Variants in NELL1 observed in about 807,000 individuals in gnomAD.
The protein encoded by NELL1 is neural EGFL like 1, also known as protein kinase C-binding protein NELL1.
Under a neutral mutation model 107.4 loss-of-function variants are expected in NELL1, and 76 were observed. The ratio of observed to expected loss-of-function variants is 0.71; its 90% CI spans 0.59 to 0.86. The LOEUF (loss-of-function observed/expected upper bound fraction) is 0.86, where lower values mean the gene tolerates loss of function less well. Among genes scored for constraint, NELL1 ranks in the 40% least tolerant of loss-of-function variants. NELL1 has a pLI of 0.00. For synonymous variants in NELL1, 353 were observed against 341.2 expected (o/e 1.03, Z -0.38); for missense variants, 1,024 against 1,005.5 (o/e 1.02, Z -0.25).
intron 2 of NELL1, among the ~76,000 whole-genome samples, chr11:20,706,226 A>T (rs1383432145): frequency 6.6e-6 from 1 of 152,204 alleles, no homozygotes; most frequent in Non-Finnish European, 1.5e-5. Flanking sequence ...ACATATGTTT[A>T]TTGTGGCACT....
intron 13 of NELL1, among the ~76,000 whole-genome samples, chr11:21,154,245 A>G (rs995981977): frequency 6.6e-6 from 1 of 152,330 alleles, no homozygotes; most frequent in African/African-American, 2.4e-5. Context: ...GACCCCATTT[A>G]TAGATCTACT....
At chr11:20,684,144 A>C (rs965165206) in intron 2 of NELL1, among the ~76,000 whole-genome samples, 18 of 151,544 alleles carry the variant, frequency 1.2e-4, no homozygotes, top group African/African-American at 4.4e-4. Flanking sequence ...GGGGGCTCAC[A>C]CCTGTAATCC....
intron 2 of NELL1, among the ~76,000 whole-genome samples, chr11:20,753,988 C>G (rs2133948360): frequency 6.6e-6 from 1 of 152,292 alleles, no homozygotes; most frequent in Non-Finnish European, 1.5e-5. Context: ...TATACACATC[C>G]TTAAGCCAAA....
chr11:21,427,261 G>A (rs1852845651), intron 15 of NELL1, among the ~76,000 whole-genome samples: 1 of 152,102 alleles, frequency 6.6e-6, no homozygotes. Context: ...TTTGGCAACT[G>A]TAACATAAAA....
At chr11:21,443,016 G>C (rs1259391586) in intron 15 of NELL1, among the ~76,000 whole-genome samples, 1 of 113,176 alleles carries the variant, frequency 8.8e-6, no homozygotes, top group Non-Finnish European at 1.7e-5. Flanking sequence ...TGCTATAACA[G>C]AATACTACAT....
chr11:20,670,127 A>G (rs558627273), intron 1 of NELL1, among the ~76,000 whole-genome samples: 7 of 152,206 alleles, frequency 4.6e-5, no homozygotes, highest in Non-Finnish European at 8.8e-5. Flanking sequence ...GAGTTCCCGA[A>G]CTTGTAAGGT....
intron 12 of NELL1, among the ~76,000 whole-genome samples, chr11:21,057,782 T>C (rs1853646330): frequency 1.3e-5 from 2 of 152,166 alleles, no homozygotes; most frequent in South Asian, 4.1e-4. Flanking sequence ...AGATTATGGA[T>C]AGTTTTTAAA....
At chr11:20,893,437 G>A (rs1224732373) in intron 5 of NELL1, among the ~76,000 whole-genome samples, 2 of 151,360 alleles carry the variant, frequency 1.3e-5, no homozygotes, top group African/African-American at 2.4e-5. Context: ...GCAATAAAAT[G>A]TTAGTAAAGG....
intron 3 of NELL1, among the ~76,000 whole-genome samples, chr11:20,841,568 G>C (rs1417922977): frequency 6.6e-6 from 1 of 152,124 alleles, no homozygotes; most frequent in African/African-American, 2.4e-5. Flanking sequence ...ATTAGCATAA[G>C]AATTCTAGGA....
At chr11:21,117,161 T>A (rs963237217) in intron 13 of NELL1, among the ~76,000 whole-genome samples, 1 of 151,996 alleles carries the variant, frequency 6.6e-6, no homozygotes, top group Non-Finnish European at 1.5e-5. Context: ...AGCTCTCTTC[T>A]CATTTACCTC....
At chr11:21,435,438 GTTTTTTGT>G (rs1422446340) in intron 15 of NELL1, among the ~76,000 whole-genome samples, 2 of 118,264 alleles carry the variant, frequency 1.7e-5, no homozygotes, top group East Asian at 5.3e-4. Flanking sequence ...ATTGTTTTTT[GTTTTTTGT>G]TTTTTTTTTA....
rs115541074 is a variant in NELL1, at chr11:21,110,112, T to C, written c.1301-3477T>C. Among the ~76,000 whole-genome samples the C allele has an allele frequency of 3.7e-3, 562 of 152,288 alleles. 4 individuals are homozygous for C. The highest frequency in any genetic ancestry group is 0.013 in the African/African-American group (535 of 41,580). ...ATAGCTTTTATATCTGGTGGTTACATGATGAAGAATAAGCAATGAAGGCAA... is the reference window on the plus strand; with the variant it reads ...ATAGCTTTTATATCTGGTGGTTACACGATGAAGAATAAGCAATGAAGGCAA... On this transcript the variant is annotated intron_variant, in intron 12 of 19. Coordinates refer to ENST00000357134, the MANE Select transcript of NELL1 (RefSeq NM_006157.5).
intron 12 of NELL1, among the ~76,000 whole-genome samples, chr11:21,024,328 T>C (rs1335525442): frequency 6.6e-6 from 1 of 152,160 alleles, no homozygotes; most frequent in Non-Finnish European, 1.5e-5. Flanking sequence ...TTAATTTGAC[T>C]ACATTGTCTG....
intron 12 of NELL1, among the ~76,000 whole-genome samples, chr11:20,962,506 TC>T (rs1171814958): frequency 6.6e-6 from 1 of 152,208 alleles, no homozygotes; most frequent in African/African-American, 2.4e-5. Flanking sequence ...TAGCCACCAT[TC>T]CTGACCCCAC....
chr11:20,947,965 T>C (rs1850997953), intron 11 of NELL1, among the ~76,000 whole-genome samples: 1 of 152,196 alleles, frequency 6.6e-6, no homozygotes, highest in Non-Finnish European at 1.5e-5. Flanking sequence ...TAATTAATTA[T>C]TGGGCAGAAA....
At chr11:21,056,376 A>ACC (rs1853615649) in intron 12 of NELL1, among the ~76,000 whole-genome samples, 1 of 152,178 alleles carries the variant, frequency 6.6e-6, no homozygotes, top group African/African-American at 2.4e-5. Flanking sequence ...GTAAAGAGGT[A>ACC]CTGTAGCAGA....
chr11:21,113,569 A>C lies in NELL1; in HGVS notation c.1301-20A>C, dbSNP rs1387108269. 5 of 1,605,258 alleles carry C rather than the reference A, an allele frequency of 3.1e-6. No homozygotes were observed. Among genetic ancestry groups the C allele is most frequent in the Non-Finnish European group, 4.3e-6 (5 of 1,174,990 alleles). On this transcript the variant is annotated intron_variant, in intron 12 of 19. Coordinates refer to ENST00000357134, the MANE Select transcript of NELL1 (RefSeq NM_006157.5). Reference sequence around the variant, plus strand: ...CCATTATTTTGCTAACCATGATCTTACTTATTTTTTTTCCTTCAGATATTG... The same window carrying C: ...CCATTATTTTGCTAACCATGATCTTCCTTATTTTTTTTCCTTCAGATATTG...
chr11:21,214,188 AC>A (rs1857563947), intron 13 of NELL1, among the ~76,000 whole-genome samples: 1 of 152,136 alleles, frequency 6.6e-6, no homozygotes, highest in Non-Finnish European at 1.5e-5. Context: ...TATCTGTTGA[AC>A]ATCCTAAATC....
At chr11:21,570,439 A>G (rs1318496798) in intron 17 of NELL1, among the ~76,000 whole-genome samples, 3 of 151,924 alleles carry the variant, frequency 2.0e-5, no homozygotes, top group Non-Finnish European at 4.4e-5. Flanking sequence ...CAAATGACTT[A>G]TTGATCATAT....
Sources: allele counts gnomAD v4.1 joint callset (sites outside exome capture counted in the v4.1 genomes callset), GRCh38; gene constraint gnomAD v4.1.1; transcripts MANE v1.5; gene names NCBI Gene and HGNC (gene_info 2026-07-23, HGNC 2026-07-21).